RALYL: variants seen among roughly 807,000 people sequenced by gnomAD.
RALYL encodes the protein RNA-binding Raly-like protein.
Under a neutral mutation model 35.1 loss-of-function variants are expected in RALYL, and 29 were observed. The ratio of observed to expected loss-of-function variants is 0.83; its 90% CI spans 0.61 to 1.13. The LOEUF is 1.13. Ranked by LOEUF, RALYL falls within the 50% of genes most tolerant of loss-of-function variation. RALYL has a pLI of 0.00. For synonymous variants in RALYL, 120 were observed against 127.6 expected (o/e 0.94, Z 0.40); for missense variants, 359 against 360.4 (o/e 1.00, Z 0.03).
intron 2 of RALYL, among the ~76,000 whole-genome samples, chr8:84,676,654 T>C (rs1452086144): frequency 1.3e-5 from 2 of 152,188 alleles, no homozygotes; most frequent in Admixed American, 1.3e-4. Context: ...AGCTATATAA[T>C]AGCTGGTTAT....
rs1855951780 is a variant in RALYL, at chr8:84,372,649, CACTTGAGTTGA to C, written c.-23-156649_-23-156639del. Among the ~76,000 whole-genome samples, 15 of 151,976 alleles carry C rather than the reference CACTTGAGTTGA, an allele frequency of 9.9e-5. No individual in the cohort carries two copies. In the South Asian group the frequency reaches 3.1e-3, roughly 32 times the overall value. ...GTCCCAGGAGGATGACTGGGAGAAC[CACTTGAGTTGA>C]TGAGTTCCAGCCAACAAAGTCAGAC... On this transcript the variant is annotated intron_variant, in intron 1 of 8. Transcript: ENST00000521268.
chr8:84,821,727 T>C (rs2134241702), intron 4 of RALYL, among the ~76,000 whole-genome samples: 2 of 152,316 alleles, frequency 1.3e-5, no homozygotes, highest in Middle Eastern at 3.4e-3. Flanking sequence ...TTCTACTTTA[T>C]TCTGCAGAAC....
chr8:84,265,840 A>C (rs567944909), intron 1 of RALYL, among the ~76,000 whole-genome samples: 1 of 152,176 alleles, frequency 6.6e-6, no homozygotes, highest in South Asian at 2.1e-4. Flanking sequence ...CAAACCTATA[A>C]TTTTTTATCA....
intron 2 of RALYL, among the ~76,000 whole-genome samples, chr8:84,576,866 A>G (rs528362267): frequency 6.6e-6 from 1 of 152,188 alleles, no homozygotes; most frequent in East Asian, 1.9e-4. Context: ...TGTGACTGCA[A>G]CTCTAAACCT....
chr8:84,295,600 G>A (rs1269348487), intron 1 of RALYL, among the ~76,000 whole-genome samples: 2 of 152,078 alleles, frequency 1.3e-5, no homozygotes, highest in African/African-American at 4.8e-5. Context: ...CACCCAGCCT[G>A]AAGTGTGGTG....
chr8:84,191,202 G>A (rs1442509489), intron 1 of RALYL, among the ~76,000 whole-genome samples: 1 of 151,954 alleles, frequency 6.6e-6, no homozygotes, highest in Non-Finnish European at 1.5e-5. Context: ...GTGTGTGTGT[G>A]TGTGTGTGTG....
In RALYL at chr8:84,184,766, C is replaced by A. The variant is rs997290282; in HGVS notation, c.-24+342C>A. The A allele has an allele frequency of 3.9e-5, 16 of 414,636 alleles. No homozygotes were observed. The South Asian group carries it at 5.3e-4, about 14-fold the overall frequency. 25.7% of individuals were successfully genotyped at this position (414,636 alleles called of 1,614,324 possible). ...AGGCGGCCGGCGGGCCCTGTAAGTT[C>A]TCCGAGGGCCACTTGCACAGCAGGA... On this transcript the variant is annotated intron_variant, in intron 1 of 8. Transcript: ENST00000521268.
chr8:84,720,319 A>C (rs960226488), intron 2 of RALYL, among the ~76,000 whole-genome samples: 3 of 152,146 alleles, frequency 2.0e-5, no homozygotes, highest in Admixed American at 6.6e-5. Flanking sequence ...CACATAGACA[A>C]ATAGAAAAGA....
intron 2 of RALYL, among the ~76,000 whole-genome samples, chr8:84,549,443 T>A (rs1183113466): frequency 6.6e-6 from 1 of 152,062 alleles, no homozygotes; most frequent in Non-Finnish European, 1.5e-5. Flanking sequence ...ACAAAATGAG[T>A]TTGCCATTTT....
intron 1 of RALYL, among the ~76,000 whole-genome samples, chr8:84,489,231 T>C (rs1024125562): frequency 3.9e-5 from 6 of 152,068 alleles, no homozygotes; most frequent in Non-Finnish European, 8.8e-5. Context: ...TTTCTTCCCT[T>C]TGGCTTTTGT....
chr8:84,588,243 T>C (rs1401171612), intron 2 of RALYL, among the ~76,000 whole-genome samples: 1 of 152,192 alleles, frequency 6.6e-6, no homozygotes, highest in East Asian at 1.9e-4. Flanking sequence ...GGACATCTGA[T>C]TCCCCTGTCA....
chr8:84,411,973 A>G (rs1044800978), intron 1 of RALYL, among the ~76,000 whole-genome samples: 1 of 151,932 alleles, frequency 6.6e-6, no homozygotes, highest in Admixed American at 6.6e-5. Context: ...TCTCTAGTAC[A>G]GTAAAGAAGA....
intron 2 of RALYL, among the ~76,000 whole-genome samples, chr8:84,767,398 A>G (rs1814357811): frequency 6.6e-6 from 1 of 152,208 alleles, no homozygotes; most frequent in Non-Finnish European, 1.5e-5. Flanking sequence ...CTGTGAAAAG[A>G]TACAGTTAGT....
chr8:84,852,235 A>C (rs374711325), intron 5 of RALYL, among the ~76,000 whole-genome samples: 3 of 152,338 alleles, frequency 2.0e-5, no homozygotes, highest in East Asian at 3.9e-4. Context: ...GCAATGGTCA[A>C]ACTACTGAAT....
chr8:84,630,265 A>G (rs2131229604), intron 2 of RALYL, among the ~76,000 whole-genome samples: 1 of 152,168 alleles, frequency 6.6e-6, no homozygotes, highest in East Asian at 1.9e-4. Flanking sequence ...CCCTAAATAC[A>G]GCTTGGCTAC....
At chr8:84,811,563 C>T (rs953590922) in intron 4 of RALYL, among the ~76,000 whole-genome samples, 1 of 152,176 alleles carries the variant, frequency 6.6e-6, no homozygotes, top group African/African-American at 2.4e-5. Flanking sequence ...GTCTAGTTCT[C>T]TAGCAAGGCC....
intron 4 of RALYL, among the ~76,000 whole-genome samples, chr8:84,805,606 C>T (rs1192915503): frequency 6.6e-6 from 1 of 152,118 alleles, no homozygotes. Flanking sequence ...ATTGCCTGAA[C>T]CTGGGAGGCA....
intron 3 of RALYL, among the ~76,000 whole-genome samples, chr8:84,789,438 G>A (rs761505794): frequency 2.8e-4 from 43 of 152,096 alleles, no homozygotes; most frequent in Non-Finnish European, 5.7e-4. Context: ...AAATGGAATT[G>A]TAACATAATT....
chr8:84,325,262 T>C (rs1286445491), intron 1 of RALYL, among the ~76,000 whole-genome samples: 1 of 152,178 alleles, frequency 6.6e-6, no homozygotes, highest in Non-Finnish European at 1.5e-5. Flanking sequence ...AACCGTTCAG[T>C]TGCAGTTGTT....
Sources: allele counts gnomAD v4.1 joint callset (sites outside exome capture counted in the v4.1 genomes callset), GRCh38; gene constraint gnomAD v4.1.1; transcripts MANE v1.5; gene names NCBI Gene and HGNC (gene_info 2026-07-23, HGNC 2026-07-21).